The following CSGALNACT2 variants were observed in gnomAD, a reference collection of about 807,000 sequenced individuals.
The protein encoded by CSGALNACT2 is beta 4 GalNAcT-2.
CSGALNACT2 carries 35 observed loss-of-function variants against 55.3 expected under a neutral mutation model. That is an observed-to-expected ratio of 0.63 (90% CI 0.48 to 0.84). The LOEUF is 0.84. Among genes scored for constraint, CSGALNACT2 ranks in the 40% least tolerant of loss-of-function variants. CSGALNACT2 has a pLI of 0.00. For missense variants in CSGALNACT2, 544 were observed against 657.5 expected, an observed-to-expected ratio of 0.83 and a Z score of 1.89; for synonymous variants, 196 against 224.9, an observed-to-expected ratio of 0.87 and a Z score of 1.15.
rs1031564991 is a variant in CSGALNACT2, at chr10:43,185,116, G to A, written c.*1574G>A. ...CAGTGAATTACGATATTTAAAGTGA[G>A]AGAACTTAATTATTTGCAAAGGTAA... On this transcript the variant is annotated 3_prime_UTR_variant, in exon 8 of 8. Coordinates refer to ENST00000374466, the MANE Select transcript of CSGALNACT2 (RefSeq NM_018590.5). 2.0e-5 allele frequency: 3 copies of A among 152,060 alleles called. No individual in the cohort carries two copies. The highest frequency in any genetic ancestry group is 7.2e-5 in the African/African-American group (3 of 41,414). 9.4% of individuals were successfully genotyped at this position (152,060 alleles called of 1,614,324 possible).
rs1180476083 is a variant in CSGALNACT2 at position 43,158,859 on chromosome 10, G to A, written c.806G>A (p.Arg269Lys). The change falls in exon 3 of 8, where the codon AGA becomes AAA. Residue 269 changes from arginine (R) to lysine (K), a missense_variant. Arg to Lys is a conservative substitution (Grantham distance 26, BLOSUM62 2). Transcript: ENST00000374466. ...AAGAGTGAGATGATTGACATCACTA[G>A]ATCAATTATTAATATCATTGTGCCA... ...KVKSEMIDITRSIINIIVPLA... is the reference protein window; with the variant it reads ...KVKSEMIDITKSIINIIVPLA... 3 of 1,611,348 alleles carry A rather than the reference G, an allele frequency of 1.9e-6. No homozygotes were observed. Among genetic ancestry groups the A allele is most frequent in the African/African-American group, 1.3e-5 (1 of 74,844 alleles).
At chr10:43,154,135 G>A (rs1400917250) in intron 1 of CSGALNACT2, among the ~76,000 whole-genome samples, 2 of 152,218 alleles carry the variant, frequency 1.3e-5, no homozygotes, top group Non-Finnish European at 2.9e-5. Flanking sequence ...GAATGCTTGA[G>A]TTGAATAAAC....
At chr10:43,158,026 TAAA>T (rs770700775) in intron 2 of CSGALNACT2, among the ~76,000 whole-genome samples, 2 of 99,426 alleles carry the variant, frequency 2.0e-5, no homozygotes, top group Admixed American at 1.2e-4. Context: ...AGACTCCGTC[TAAA>T]AAAAAAAAAA....
chr10:43,152,920 G>A (rs1282754766), intron 1 of CSGALNACT2, among the ~76,000 whole-genome samples: 2 of 152,086 alleles, frequency 1.3e-5, no homozygotes, highest in Non-Finnish European at 2.9e-5. Context: ...AGGGATTATG[G>A]TTTTGAGGTA....
At chr10:43,141,788 A>C (rs1564507419) in intron 1 of CSGALNACT2, among the ~76,000 whole-genome samples, 1 of 152,278 alleles carries the variant, frequency 6.6e-6, no homozygotes, top group East Asian at 1.9e-4. Context: ...CGAAGGTAGG[A>C]GTGTCCAGGC....
chr10:43,153,085 G>A (rs768285965), intron 1 of CSGALNACT2, among the ~76,000 whole-genome samples: 28 of 151,822 alleles, frequency 1.8e-4, no homozygotes, highest in Middle Eastern at 3.4e-3. Context: ...TTGGCCAGGC[G>A]CGGTGGCTAA....
intron 6 of CSGALNACT2, among the ~76,000 whole-genome samples, chr10:43,172,337 G>A (rs149126524): frequency 2.6e-3 from 397 of 152,278 alleles, no homozygotes; most frequent in African/African-American, 8.9e-3. Flanking sequence ...GGGAAATAGC[G>A]TATCTATATT....
chr10:43,162,824 T>C (rs912986643), intron 4 of CSGALNACT2: 3 of 934,064 alleles, frequency 3.2e-6, no homozygotes, highest in Admixed American at 6.2e-5. Context: ...TTCTCTAACA[T>C]GTTAACACAG....
chr10:43,155,519 C>T lies in CSGALNACT2; in HGVS notation c.370C>T (p.Leu124Phe). 6.2e-7 allele frequency: 1 copy of T among 1,614,204 alleles called. No homozygotes were observed. Among genetic ancestry groups the T allele is most frequent in the Non-Finnish European group, 8.5e-7 (1 of 1,180,040 alleles). The change falls in exon 2 of 8, where the codon CTT becomes TTT. Residue 124 changes from leucine to phenylalanine, a missense_variant. Leu to Phe is a conservative substitution (Grantham distance 22). Transcript: ENST00000374466. ...EQAPSDLLEF[L>F]HSQIDKAEVS... ...AGCACCTAGTGATCTTTTAGAGTTT[C>T]TTCATTCCCAAATTGACAAAGCTGA...
At chr10:43,163,253 A>G in intron 4 of CSGALNACT2, 1 of 973,304 alleles carries the variant, frequency 1.0e-6, no homozygotes, top group Non-Finnish European at 1.2e-6. Context: ...TCATTCATTC[A>G]TTCAGCAAAT....
intron 2 of CSGALNACT2, among the ~76,000 whole-genome samples, chr10:43,158,387 T>G (rs749826055): frequency 1.3e-5 from 2 of 152,076 alleles, no homozygotes; most frequent in Admixed American, 1.3e-4. Context: ...GATTTTAATA[T>G]TGCTAGAAGT....
intron 4 of CSGALNACT2, chr10:43,162,958 C>G (rs190253785): frequency 1.0e-6 from 1 of 985,380 alleles, no homozygotes; most frequent in Non-Finnish European, 1.2e-6. Flanking sequence ...GGGAGGTACT[C>G]TTCACTCTGA....
In CSGALNACT2 at chr10:43,155,509, T is replaced by C. The variant is rs758213307; in HGVS notation, c.360T>C (p.Leu120=). ...ACAAAGAGCAAGCACCTAGTGATCTTTTAGAGTTTCTTCATTCCCAAATTG... is the reference window on the plus strand; with the variant it reads ...ACAAAGAGCAAGCACCTAGTGATCTCTTAGAGTTTCTTCATTCCCAAATTG... ...QSNKEQAPSD[L]LEFLHSQIDK... The change falls in exon 2 of 8, where the codon CTT becomes CTC. Residue 120 remains leucine, a synonymous_variant. Transcript: ENST00000374466. 1 of 1,614,202 alleles carries C rather than the reference T, an allele frequency of 6.2e-7. No individual in the cohort carries two copies. The highest frequency in any genetic ancestry group is 8.5e-7 in the Non-Finnish European group (1 of 1,180,030).
intron 7 of CSGALNACT2, among the ~76,000 whole-genome samples, chr10:43,181,710 G>A: frequency 6.7e-6 from 1 of 150,296 alleles, no homozygotes; most frequent in African/African-American, 2.5e-5. Context: ...CCCAGGAGAT[G>A]GAGGCTGCAG....
chr10:43,167,089 G>C lies in CSGALNACT2; in HGVS notation c.1245G>C (p.Glu415Asp). ...YANQEVPPPV[E>D]QQLVHKKDSG... ...ACCAGGAAGTGCCACCACCTGTGGAGCAGCAGCTGGTGAGACTTTCACATT... is the reference window on the plus strand; with the variant it reads ...ACCAGGAAGTGCCACCACCTGTGGACCAGCAGCTGGTGAGACTTTCACATT... Residue 415 changes from glutamate (E) to aspartate (D), a missense_variant, in exon 6 of 8, where the codon GAG becomes GAC. Glu to Asp is a conservative substitution (Grantham distance 45). Transcript: ENST00000374466. 1 of 1,602,968 alleles carries C rather than the reference G, an allele frequency of 6.2e-7. No individual in the cohort carries two copies. Among genetic ancestry groups the C allele is most frequent in the Non-Finnish European group, 8.5e-7 (1 of 1,169,956 alleles).
intron 7 of CSGALNACT2, 133 bp from the exon 8 acceptor site, chr10:43,183,117 C>G: frequency 4.3e-6 from 3 of 696,626 alleles, no homozygotes; most frequent in Non-Finnish European, 7.5e-6. Flanking sequence ...CTCCTCCATG[C>G]CAGGTGTCTC....
chr10:43,175,868 G>T, intron 6 of CSGALNACT2, 83 bp from the exon 7 acceptor site: 1 of 1,216,404 alleles, frequency 8.2e-7, no homozygotes, highest in Non-Finnish European at 1.2e-6. Flanking sequence ...GTATACATTA[G>T]AAAATAATTT....
intron 1 of CSGALNACT2, among the ~76,000 whole-genome samples, chr10:43,147,215 T>C (rs1338276622): frequency 1.3e-5 from 2 of 151,928 alleles, no homozygotes; most frequent in Non-Finnish European, 2.9e-5. Flanking sequence ...GACCTCGTGA[T>C]CCGCCCGCCT....
rs59531607 is a variant in CSGALNACT2 at position 43,175,074 on chromosome 10, G to A, written c.1255-877G>A. Among the ~76,000 whole-genome samples, 469 of 152,300 alleles carry A rather than the reference G, an allele frequency of 3.1e-3. 3 individuals carry two copies. The highest frequency in any genetic ancestry group is 0.011 in the African/African-American group (441 of 41,556). ...TAGAAAAGGACTTTGGCAGTTCCAA[G>A]CTTCATAGCTGCATCGTGCACTAGA... On this transcript the variant is annotated intron_variant, in intron 6 of 7. Coordinates refer to ENST00000374466, the MANE Select transcript of CSGALNACT2 (RefSeq NM_018590.5).
Sources: allele counts gnomAD v4.1 joint callset (sites outside exome capture counted in the v4.1 genomes callset), GRCh38; gene constraint gnomAD v4.1.1; transcripts MANE v1.5; gene names NCBI Gene and HGNC (gene_info 2026-07-23, HGNC 2026-07-21).